TAF3: variants seen among roughly 807,000 people sequenced by gnomAD.
TAF3 encodes transcription initiation factor TFIID subunit 3.
TAF3 carries 7 observed loss-of-function variants against 80.6 expected under a neutral mutation model. That is an observed-to-expected ratio of 0.09 (90% CI 0.05 to 0.16). The LOEUF is 0.16. Among genes scored for constraint, TAF3 ranks in the 10% least tolerant of loss-of-function variants. TAF3 has a pLI of 1.00. For synonymous variants in TAF3, 444 were observed against 446.1 expected (o/e 1.00, Z 0.06); for missense variants, 921 against 1,140.2 (o/e 0.81, Z 2.77).
At chr10:7,867,205 G>C (rs1467820979) in intron 2 of TAF3, among the ~76,000 whole-genome samples, 1 of 152,096 alleles carries the variant, frequency 6.6e-6, no homozygotes, top group African/African-American at 2.4e-5. Flanking sequence ...GTTGCAGTGA[G>C]CCGAGATCAT....
At chr10:7,829,883 C>G (rs1734105385) in intron 2 of TAF3, among the ~76,000 whole-genome samples, 1 of 152,216 alleles carries the variant, frequency 6.6e-6, no homozygotes, top group African/African-American at 2.4e-5. Flanking sequence ...GGGGATTTCT[C>G]TCTTTCCCCA....
chr10:7,980,255 A>C (rs866354683), intron 4 of TAF3, among the ~76,000 whole-genome samples: 1 of 152,230 alleles, frequency 6.6e-6, no homozygotes, highest in South Asian at 2.1e-4. Context: ...AAAGCTTTAC[A>C]GGGTTCAAAT....
At chr10:7,840,395 G>A (rs1356446346) in intron 2 of TAF3, among the ~76,000 whole-genome samples, 2 of 151,696 alleles carry the variant, frequency 1.3e-5, no homozygotes, top group East Asian at 1.9e-4. Context: ...CTTGTGATCC[G>A]CCCGCCTCGG....
At chr10:7,895,952 G>A (rs1837500406) in intron 2 of TAF3, among the ~76,000 whole-genome samples, 1 of 152,190 alleles carries the variant, frequency 6.6e-6, no homozygotes, top group Non-Finnish European at 1.5e-5. Context: ...CCATGCGGGG[G>A]TGGAAATTCC....
chr10:7,891,319 C>T (rs971717906), intron 2 of TAF3, among the ~76,000 whole-genome samples: 1 of 152,046 alleles, frequency 6.6e-6, no homozygotes, highest in African/African-American at 2.4e-5. Flanking sequence ...TTAAGGTGTA[C>T]ATAGTAAAAG....
At chr10:7,856,858 C>CA (rs57207229) in intron 2 of TAF3, among the ~76,000 whole-genome samples, 7,853 of 90,760 alleles carry the variant, frequency 0.087, 360 homozygotes, top group Admixed American at 0.15. Flanking sequence ...AGCTGGTTCT[C>CA]AAAAAAAAAA....
intron 3 of TAF3, among the ~76,000 whole-genome samples, chr10:7,972,443 T>A (rs1831630629): frequency 6.6e-6 from 1 of 152,200 alleles, no homozygotes; most frequent in Admixed American, 6.5e-5. Context: ...TTTAGATATA[T>A]CCTGGTTTGC....
intron 2 of TAF3, among the ~76,000 whole-genome samples, chr10:7,920,978 G>A (rs1445594763): frequency 6.6e-6 from 1 of 152,158 alleles, no homozygotes; most frequent in Admixed American, 6.5e-5. Context: ...GGTTGGGCCA[G>A]CCAATCTGGA....
At chr10:7,852,912 A>T (rs1293663267) in intron 2 of TAF3, among the ~76,000 whole-genome samples, 1 of 152,174 alleles carries the variant, frequency 6.6e-6, no homozygotes, top group Non-Finnish European at 1.5e-5. Flanking sequence ...TTTGTTTCCT[A>T]CCTTCTTCCA....
At chr10:7,977,742 C>T (rs536762632) in intron 4 of TAF3, among the ~76,000 whole-genome samples, 33 of 152,268 alleles carry the variant, frequency 2.2e-4, no homozygotes, top group South Asian at 4.2e-4. Flanking sequence ...GCTCAGATGG[C>T]ACATGGTTTT....
chr10:8,006,628 C>T (rs556413460), intron 4 of TAF3, among the ~76,000 whole-genome samples: 10 of 152,296 alleles, frequency 6.6e-5, no homozygotes, highest in Middle Eastern at 3.4e-3. Context: ...GAGAACAATT[C>T]GACAGCAGTA....
intron 2 of TAF3, among the ~76,000 whole-genome samples, chr10:7,856,488 A>G: frequency 6.6e-6 from 1 of 152,218 alleles, no homozygotes. Flanking sequence ...CTCAAAATAA[A>G]TAAAAAAATA....
At chr10:7,853,784 C>T (rs746355049) in intron 2 of TAF3, among the ~76,000 whole-genome samples, 33 of 152,162 alleles carry the variant, frequency 2.2e-4, no homozygotes, top group Non-Finnish European at 4.4e-4. Context: ...TCCCAAAAGC[C>T]TAAAATAGTT....
At chr10:7,990,922 C>A (rs1831827483) in intron 4 of TAF3, among the ~76,000 whole-genome samples, 1 of 152,228 alleles carries the variant, frequency 6.6e-6, no homozygotes, top group Non-Finnish European at 1.5e-5. Context: ...TCTCGAGCCC[C>A]TCTCCGTAGT....
At chr10:7,866,399 C>G (rs1002209631) in intron 2 of TAF3, among the ~76,000 whole-genome samples, 1 of 152,224 alleles carries the variant, frequency 6.6e-6, no homozygotes, top group African/African-American at 2.4e-5. Flanking sequence ...CACGGAATTT[C>G]AGGGCAGGCC....
At chr10:7,915,574 C>T (rs1164651609) in intron 2 of TAF3, among the ~76,000 whole-genome samples, 2 of 143,378 alleles carry the variant, frequency 1.4e-5, no homozygotes, top group Non-Finnish European at 3.0e-5. Flanking sequence ...ACCCGGGAGG[C>T]GGATCTTGCA....
intron 4 of TAF3, among the ~76,000 whole-genome samples, chr10:8,005,158 TA>T (rs1831979812): frequency 6.6e-6 from 1 of 152,234 alleles, no homozygotes; most frequent in African/African-American, 2.4e-5. Flanking sequence ...TGCCTTTTAT[TA>T]TTTTTTTAAC....
At chr10:7,906,361 T>A (rs1275450656) in intron 2 of TAF3, among the ~76,000 whole-genome samples, 1 of 152,224 alleles carries the variant, frequency 6.6e-6, no homozygotes, top group Non-Finnish European at 1.5e-5. Flanking sequence ...CATTGCTTAG[T>A]GACAAAGCTA....
intron 2 of TAF3, among the ~76,000 whole-genome samples, chr10:7,888,168 G>T (rs541143950): frequency 4.0e-4 from 48 of 119,208 alleles, no homozygotes; most frequent in Non-Finnish European, 7.5e-4. Flanking sequence ...TTTCCTGAAC[G>T]CTGTCTTCCT....
Sources: gnomAD v4.1 joint callset for allele counts (sites outside exome capture counted in the v4.1 genomes callset) on GRCh38, gnomAD v4.1.1 for gene constraint, MANE v1.5 for transcripts, NCBI Gene and HGNC (gene_info 2026-07-23, HGNC 2026-07-21) for gene names.